The following SMCHD1 variants were observed in gnomAD, a reference collection of about 807,000 sequenced individuals.
The protein encoded by SMCHD1 is structural maintenance of chromosomes flexible hinge domain-containing protein 1.
Under a neutral mutation model 254.7 loss-of-function variants are expected in SMCHD1, and 78 were observed. That is an observed-to-expected ratio of 0.31 (90% confidence interval 0.26 to 0.37). The LOEUF (loss-of-function observed/expected upper bound fraction) is 0.37, where lower values mean the gene tolerates loss of function less well. Among genes scored for constraint, SMCHD1 ranks in the 10% least tolerant of loss-of-function variants. The pLI is 1.00. For missense variants in SMCHD1, 1,840 were observed against 2,408.1 expected (o/e 0.76, Z 4.94); for synonymous variants, 766 against 794.9 (o/e 0.96, Z 0.61).
intron 7 of SMCHD1, 33 bp from the exon 8 acceptor site, chr18:2,694,494 T>C: frequency 6.9e-7 from 1 of 1,459,174 alleles, no homozygotes; most frequent in Non-Finnish European, 9.2e-7. Flanking sequence ...ATTTAGATGA[T>C]TTAATCTGTT....
At chr18:2,783,878 TTTAA>T (rs1268758937) in intron 44 of SMCHD1, among the ~76,000 whole-genome samples, 1 of 152,160 alleles carries the variant, frequency 6.6e-6, no homozygotes, top group East Asian at 1.9e-4. Context: ...ACATTAAGAA[TTTAA>T]TTCTTAATTA....
chr18:2,735,921 A>G, intron 25 of SMCHD1, among the ~76,000 whole-genome samples: 1 of 152,200 alleles, frequency 6.6e-6, no homozygotes, highest in Non-Finnish European at 1.5e-5. Flanking sequence ...ATTCAGATGG[A>G]ACTAAAAAAG....
intron 17 of SMCHD1, among the ~76,000 whole-genome samples, chr18:2,709,246 A>ATATATATATATATG (rs759808617): frequency 1.2e-3 from 131 of 107,464 alleles, no homozygotes; most frequent in Middle Eastern, 4.7e-3. Context: ...ATATATATAT[A>ATATATATATATATG]TATACACACA....
intron 5 of SMCHD1, among the ~76,000 whole-genome samples, chr18:2,685,364 G>T (rs1357278623): frequency 1.3e-5 from 2 of 152,048 alleles, no homozygotes; most frequent in Non-Finnish European, 2.9e-5. Context: ...CTCCCAAAGT[G>T]CTGGGATTAC....
At chr18:2,672,352 G>T in intron 3 of SMCHD1, among the ~76,000 whole-genome samples, 1 of 151,912 alleles carries the variant, frequency 6.6e-6, no homozygotes. Flanking sequence ...TCAGCCTCCC[G>T]AGTAGCTGGG....
chr18:2,708,907 T>TATATATATATATATATATATAA (rs769432583), intron 17 of SMCHD1, among the ~76,000 whole-genome samples: 597 of 44,670 alleles, frequency 0.013, 153 homozygotes, highest in Middle Eastern at 0.036. Flanking sequence ...TATATATATA[T>TATATATATATATATATATATAA]AACATATTAA....
chr18:2,769,969 A>T lies in SMCHD1; in HGVS notation c.4847-20A>T. Reference sequence around the variant, plus strand: ...AGTCAGTTTTTAAATTATTTAAATTATCTCAATTTTTTTTCTTAGATGTTA... The same window carrying T: ...AGTCAGTTTTTAAATTATTTAAATTTTCTCAATTTTTTTTCTTAGATGTTA... On this transcript the variant is annotated intron_variant, in intron 38 of 47. Transcript: ENST00000320876. The T allele has an allele frequency of 6.4e-7, 1 of 1,568,438 alleles. No homozygotes were observed. Among genetic ancestry groups the T allele is most frequent in the Non-Finnish European group, 8.6e-7 (1 of 1,164,862 alleles).
chr18:2,742,031 A>G (rs1310214796), intron 28 of SMCHD1, among the ~76,000 whole-genome samples: 4 of 152,008 alleles, frequency 2.6e-5, no homozygotes, highest in Non-Finnish European at 5.9e-5. Flanking sequence ...GTAGCAAGCC[A>G]CTCTGATCAT....
chr18:2,759,097 T>G, intron 34 of SMCHD1, among the ~76,000 whole-genome samples: 1 of 152,214 alleles, frequency 6.6e-6, no homozygotes. Context: ...TTAGGTCTGT[T>G]GTGATTTTCT....
intron 7 of SMCHD1, among the ~76,000 whole-genome samples, chr18:2,689,078 A>T (rs759299211): frequency 2.0e-5 from 3 of 152,270 alleles, no homozygotes; most frequent in Admixed American, 6.5e-5. Context: ...GAAATAAATG[A>T]GAGATTGCTC....
At chr18:2,789,726 T>C (rs2076290399) in intron 45 of SMCHD1, among the ~76,000 whole-genome samples, 1 of 152,270 alleles carries the variant, frequency 6.6e-6, no homozygotes, top group Admixed American at 6.5e-5. Flanking sequence ...TTTCAAGTTA[T>C]GATGGGTTTA....
chr18:2,757,614 T>G (rs1482873915), intron 34 of SMCHD1, among the ~76,000 whole-genome samples: 1 of 152,160 alleles, frequency 6.6e-6, no homozygotes, highest in African/African-American at 2.4e-5. Context: ...CCTGTATGAT[T>G]TCAGTCCTTT....
At position 2,743,851 on chromosome 18, in the gene SMCHD1, T is replaced by C; in HGVS notation, c.3724T>C (p.Ser1242Pro). Residue 1242 changes from serine (S) to proline (P), a missense_variant, in exon 29 of 48, where the codon TCT becomes CCT. Transcript: ENST00000320876. ...TCTTTGTTTTACTTGGCGTGAGTTT[T>C]CTGACTTTATTCGAGTGCAACTAAT... The part of the protein sequence containing the change: ...KDLCFTWREF[S>P]DFIRVQLISG... The C allele has an allele frequency of 6.2e-7, 1 of 1,613,404 alleles. No individual in the cohort carries two copies. The highest frequency in any genetic ancestry group is 8.5e-7 in the Non-Finnish European group (1 of 1,179,606).
chr18:2,683,201 A>G (rs1376847347), intron 5 of SMCHD1, among the ~76,000 whole-genome samples: 2 of 152,130 alleles, frequency 1.3e-5, no homozygotes, highest in Non-Finnish European at 2.9e-5. Flanking sequence ...AAGTATTGCC[A>G]TAGTAACTGA....
At chr18:2,709,660 A>G (rs955466817) in intron 17 of SMCHD1, among the ~76,000 whole-genome samples, 2 of 152,098 alleles carry the variant, frequency 1.3e-5, no homozygotes, top group African/African-American at 4.8e-5. Flanking sequence ...CATTTCCCCA[A>G]TATTCAGTGA....
At chr18:2,656,991 T>G (rs2073087514) in intron 1 of SMCHD1, among the ~76,000 whole-genome samples, 1 of 152,078 alleles carries the variant, frequency 6.6e-6, no homozygotes. Context: ...TGGAGGGAAA[T>G]CCGCTTTAAA....
chr18:2,709,807 ATCAGATAAAT>A (rs1396253451), intron 17 of SMCHD1, among the ~76,000 whole-genome samples: 1 of 152,196 alleles, frequency 6.6e-6, no homozygotes, highest in Non-Finnish European at 1.5e-5. Flanking sequence ...TTAATCCCTT[ATCAGATAAAT>A]GATTTACAGA....
Position 2,771,743 on chromosome 18 carries a change from G to A in SMCHD1, c.5052+125G>A, listed in dbSNP as rs192434207. 7.4e-5 allele frequency: 49 copies of A among 658,912 alleles called. 1 individual carries two copies. In the East Asian group the frequency reaches 1.2e-3, roughly 16 times the overall value. 40.8% of individuals were successfully genotyped at this position (658,912 alleles called of 1,614,324 possible). A position where few individuals can be genotyped will look rare whatever the true frequency, so the allele number is the denominator to read the frequency against. On this transcript the variant is annotated intron_variant, in intron 40 of 47. Coordinates refer to ENST00000320876, the MANE Select transcript of SMCHD1 (RefSeq NM_015295.3). ...TTAGGGTACAAAGACGTGCATTATCGTCACTAGACATTAAAAATGACTAAC... is the reference window on the plus strand; with the variant it reads ...TTAGGGTACAAAGACGTGCATTATCATCACTAGACATTAAAAATGACTAAC...
chr18:2,693,884 A>G (rs56246406), intron 7 of SMCHD1, among the ~76,000 whole-genome samples: 29,208 of 151,982 alleles, frequency 0.19, 3,073 homozygotes, highest in South Asian at 0.27. Flanking sequence ...GCCCGCCTCA[A>G]CCTCCCAAAG....
Sources: allele counts gnomAD v4.1 joint callset (sites outside exome capture counted in the v4.1 genomes callset), GRCh38; gene constraint gnomAD v4.1.1; transcripts MANE v1.5; gene names NCBI Gene and HGNC (gene_info 2026-07-23, HGNC 2026-07-21).